The following PTPRD variants were observed in gnomAD, a reference collection of about 807,000 sequenced individuals.
PTPRD encodes protein tyrosine phosphatase receptor type D.
PTPRD carries 34 observed loss-of-function variants against 214.5 expected under a neutral mutation model. That is an observed-to-expected ratio of 0.16 (90% CI 0.12 to 0.21). The LOEUF (loss-of-function observed/expected upper bound fraction) is 0.21. PTPRD is among the 10% of genes least tolerant of loss of function. PTPRD has a pLI of 1.00. For missense variants in PTPRD, 2,545 were observed against 2,398.7 expected, an observed-to-expected ratio of 1.06 and a Z score of -1.27; for synonymous variants, 1,128 against 845.7, an observed-to-expected ratio of 1.33 and a Z score of -5.79.
At chr9:10,244,103 CT>C (rs398113228) in intron 3 of PTPRD, among the ~76,000 whole-genome samples, 1 of 150,744 alleles carries the variant, frequency 6.6e-6, no homozygotes, top group African/African-American at 2.4e-5. Context: ...CTACTAATCA[CT>C]TTTTTTTTCA....
rs774579667 is a variant in PTPRD, at chr9:9,789,796, CAAAAAAAAAAAA to C, written c.-367-22957_-367-22946del. 5.4e-4 allele frequency among the ~76,000 whole-genome samples: 22 copies of C among 40,830 alleles called. 1 individual carries two copies. The highest frequency in any genetic ancestry group is 2.7e-3 in the East Asian group (2 of 748). 26.8% of individuals were successfully genotyped at this position (40,830 alleles called of 152,430 possible). On this transcript the variant is annotated intron_variant, in intron 5 of 45. Transcript: ENST00000381196. ...TGGGCAACAGAGCCAAACTCTGTCT[CAAAAAAAAAAAA>C]AAAAAAAAAAAAAAAAATTAAATCG...
intron 8 of PTPRD, among the ~76,000 whole-genome samples, chr9:9,398,341 T>G (rs114715607): frequency 0.018 from 2,774 of 152,098 alleles, 72 homozygotes; most frequent in African/African-American, 0.056. Context: ...CCCATATTGG[T>G]GTTTATGCCT....
intron 3 of PTPRD, among the ~76,000 whole-genome samples, chr9:10,293,329 T>G (rs2095583139): frequency 6.6e-6 from 1 of 151,922 alleles, no homozygotes; most frequent in Admixed American, 6.6e-5. Flanking sequence ...TAATATGCAG[T>G]TTTTTCTCTG....
rs188196851 is a variant in PTPRD at position 10,574,511 on chromosome 9, T to C, written c.-600+37887A>G. On this transcript the variant is annotated intron_variant, in intron 2 of 45. Coordinates refer to ENST00000381196, the MANE Select transcript of PTPRD (RefSeq NM_002839.4). ...CAGGTTCTTATCAGTAAAAGGAAGA[T>C]ACAACTACAACTAGAGAGAAAGGAA... Among the ~76,000 whole-genome samples, 412 of 151,054 alleles carry C rather than the reference T, an allele frequency of 2.7e-3. 2 individuals are homozygous for C. Among genetic ancestry groups the C allele is most frequent in the African/African-American group, 9.3e-3 (382 of 41,246 alleles).
At chr9:10,007,782 G>C (rs1369750482) in intron 4 of PTPRD, among the ~76,000 whole-genome samples, 1 of 151,890 alleles carries the variant, frequency 6.6e-6, no homozygotes, top group African/African-American at 2.4e-5. Flanking sequence ...CTAACTGCTT[G>C]TCCAAAATCA....
At chr9:8,952,793 TGAAA>T (rs1298893946) in intron 11 of PTPRD, among the ~76,000 whole-genome samples, 5 of 151,720 alleles carry the variant, frequency 3.3e-5, no homozygotes. Context: ...AATAAAAAGG[TGAAA>T]GAAAGAAAAG....
At chr9:10,447,102 A>G (rs1282044519) in intron 2 of PTPRD, among the ~76,000 whole-genome samples, 1 of 152,140 alleles carries the variant, frequency 6.6e-6, no homozygotes, top group Non-Finnish European at 1.5e-5. Flanking sequence ...CATCCCATGT[A>G]TCCTGGCAGG....
At chr9:10,433,231 T>A (rs551750288) in intron 2 of PTPRD, among the ~76,000 whole-genome samples, 1 of 152,102 alleles carries the variant, frequency 6.6e-6, no homozygotes, top group South Asian at 2.1e-4. Flanking sequence ...TTTCTGTAAA[T>A]ATAAGTTTAT....
At position 9,748,709 on chromosome 9, in the gene PTPRD, G is replaced by C. The variant is rs373826812; in HGVS notation, c.-325-14138C>G. Among the ~76,000 whole-genome samples, 4 of 152,214 alleles carry C rather than the reference G, an allele frequency of 2.6e-5. No homozygotes were observed. In the East Asian group the frequency reaches 7.7e-4, roughly 29 times the overall value. Reference sequence around the variant, plus strand: ...CTGAGCAAATAAAAAAATTATTTCAGGCTTTCGTTTCTTTGGCCTTTAACT... The same window carrying C: ...CTGAGCAAATAAAAAAATTATTTCACGCTTTCGTTTCTTTGGCCTTTAACT... On this transcript the variant is annotated intron_variant, in intron 6 of 45. Coordinates refer to ENST00000381196, the MANE Select transcript of PTPRD (RefSeq NM_002839.4).
intron 11 of PTPRD, among the ~76,000 whole-genome samples, chr9:8,940,626 A>G (rs1436362920): frequency 1.3e-5 from 2 of 151,710 alleles, no homozygotes; most frequent in Non-Finnish European, 2.9e-5. Flanking sequence ...TACCTAATAC[A>G]TCAATATCTG....
At chr9:10,442,004 A>G (rs2098762444) in intron 2 of PTPRD, among the ~76,000 whole-genome samples, 1 of 151,570 alleles carries the variant, frequency 6.6e-6, no homozygotes, top group Non-Finnish European at 1.5e-5. Context: ...TTTAAAGCTT[A>G]TTTTTTATTT....
At chr9:8,543,832 C>T (rs777169024) in intron 14 of PTPRD, among the ~76,000 whole-genome samples, 8 of 152,058 alleles carry the variant, frequency 5.3e-5, no homozygotes, top group Non-Finnish European at 1.2e-4. Context: ...TCTGCCTCAG[C>T]CTCCCGAGTA....
At chr9:9,441,347 T>A (rs1471928706) in intron 8 of PTPRD, among the ~76,000 whole-genome samples, 1 of 151,974 alleles carries the variant, frequency 6.6e-6, no homozygotes, top group Non-Finnish European at 1.5e-5. Context: ...ACTAGAAAGA[T>A]GAATAGGAAG....
At chr9:10,528,647 T>G (rs1313646054) in intron 2 of PTPRD, among the ~76,000 whole-genome samples, 1 of 152,204 alleles carries the variant, frequency 6.6e-6, no homozygotes, top group African/African-American at 2.4e-5. Context: ...CTAAATGGCA[T>G]GCACATAAGT....
chr9:8,370,225 CACACACACACACAT>C (rs71317362), intron 39 of PTPRD, among the ~76,000 whole-genome samples: 71,881 of 136,314 alleles, frequency 0.53, 20,745 homozygotes, highest in Non-Finnish European at 0.69. Context: ...CACACACACA[CACACACACACACAT>C]ATATATATAT....
intron 8 of PTPRD, among the ~76,000 whole-genome samples, chr9:9,405,113 AT>A (rs2072756523): frequency 6.6e-6 from 1 of 151,998 alleles, no homozygotes; most frequent in Admixed American, 6.6e-5. Context: ...ACTCTCCTTC[AT>A]TTCCTCCCAA....
intron 14 of PTPRD, among the ~76,000 whole-genome samples, chr9:8,606,472 A>C (rs2095220508): frequency 6.6e-6 from 1 of 152,208 alleles, no homozygotes; most frequent in Non-Finnish European, 1.5e-5. Flanking sequence ...TCCTATGTGC[A>C]AGCATCAAGA....
intron 7 of PTPRD, among the ~76,000 whole-genome samples, chr9:9,713,343 T>C (rs76036278): frequency 0.051 from 7,708 of 152,210 alleles, 556 homozygotes; most frequent in East Asian, 0.37. Context: ...TTAGGAATGA[T>C]TAAGTAAGAT....
chr9:8,552,494 C>T (rs148827520), intron 14 of PTPRD, among the ~76,000 whole-genome samples: 245 of 152,190 alleles, frequency 1.6e-3, no homozygotes, highest in African/African-American at 5.7e-3. Context: ...CACACCAAAC[C>T]ACCTTCATTG....
Sources: gnomAD v4.1 joint callset for allele counts (sites outside exome capture counted in the v4.1 genomes callset) on GRCh38, gnomAD v4.1.1 for gene constraint, MANE v1.5 for transcripts, NCBI Gene and HGNC (gene_info 2026-07-23, HGNC 2026-07-21) for gene names.